The following ANK3 variants were observed in gnomAD, a reference collection of about 807,000 sequenced individuals.
The protein encoded by ANK3 is ankyrin-3.
A neutral mutation model predicts 370.9 loss-of-function variants in ANK3; 57 were observed. The ratio of observed to expected loss-of-function variants is 0.15; its 90% CI spans 0.12 to 0.19. The LOEUF (loss-of-function observed/expected upper bound fraction) is 0.19, where lower values mean the gene tolerates loss of function less well. ANK3 is among the 10% of genes least tolerant of loss of function. ANK3 has a pLI of 1.00. For missense variants in ANK3, 4,439 were observed against 5,302.1 expected, an observed-to-expected ratio of 0.84 and a Z score of 5.06; for synonymous variants, 1,929 against 1,946.3, an observed-to-expected ratio of 0.99 and a Z score of 0.23.
chr10:60,629,054 G>A (rs192204177), intron 1 of ANK3, among the ~76,000 whole-genome samples: 2 of 151,954 alleles, frequency 1.3e-5, no homozygotes, highest in Non-Finnish European at 2.9e-5. Context: ...ATTGAGCAAC[G>A]AGTCACCAGG....
chr10:60,028,964 T>C lies in ANK3; in HGVS notation c.*882A>G, dbSNP rs1335146382. 1 of 152,620 alleles carries C rather than the reference T, an allele frequency of 6.6e-6. No homozygotes were observed. The highest frequency in any genetic ancestry group is 1.5e-5 in the Non-Finnish European group (1 of 68,028). 9.5% of individuals were successfully genotyped at this position (152,620 alleles called of 1,614,324 possible). ...AGATAAAATCTTTTGTGTTGCAGTA[T>C]ACTGTAGTGTTTGCAAAATTGGAAA... On this transcript the variant is annotated 3_prime_UTR_variant, in exon 44 of 44. Coordinates refer to ENST00000280772, the MANE Select transcript of ANK3 (RefSeq NM_020987.5).
intron 2 of ANK3, among the ~76,000 whole-genome samples, chr10:60,512,821 C>G (rs1304483077): frequency 6.6e-6 from 1 of 152,094 alleles, no homozygotes; most frequent in Non-Finnish European, 1.5e-5. Flanking sequence ...GAATTAAGAG[C>G]TGCAGGAACG....
At chr10:60,117,702 C>T (rs10994208) in intron 25 of ANK3, among the ~76,000 whole-genome samples, 5,317 of 152,012 alleles carry the variant, frequency 0.035, 279 homozygotes, top group African/African-American at 0.12. Context: ...CCTGTAATCC[C>T]AGTTGGGAGG....
intron 2 of ANK3, among the ~76,000 whole-genome samples, chr10:60,420,397 CTGAAGAGAGAAGGAGCTTTA>C (rs1403817535): frequency 2.0e-5 from 3 of 151,984 alleles, no homozygotes; most frequent in East Asian, 3.9e-4. Context: ...TACAGTCTAG[CTGAAGAGAGAAGGAGCTTTA>C]TGAATAAGCA....
rs866126080 is a variant in ANK3 at position 60,712,448 on chromosome 10, T to C, written c.57+20815A>G. On this transcript the variant is annotated intron_variant, in intron 1 of 43. Transcript: ENST00000373827. ...TTTGAAAGTAAACTTGGATTGGTTG[T>C]TAATGCAAGCCCTAGGGAAACCACC... 9.8e-5 allele frequency among the ~76,000 whole-genome samples: 15 copies of C among 152,334 alleles called. 1 individual carries two copies. The Middle Eastern group carries it at 0.014, about 138-fold the overall frequency.
At chr10:60,063,401 C>T in intron 39 of ANK3, 147 bp from the exon 40 acceptor site, 4 of 709,122 alleles carry the variant, frequency 5.6e-6, no homozygotes, top group Middle Eastern at 3.4e-4. Context: ...ATCCAGAGGA[C>T]TCAGAATGCT....
At chr10:60,476,202 G>C (rs2133091841) in intron 2 of ANK3, among the ~76,000 whole-genome samples, 1 of 152,192 alleles carries the variant, frequency 6.6e-6, no homozygotes, top group Admixed American at 6.6e-5. Context: ...GAGGAAAAGA[G>C]AACAATGAAG....
chr10:60,492,624 G>A lies in ANK3; in HGVS notation c.96+122562C>T, dbSNP rs1253657857. Among the ~76,000 whole-genome samples, 10 of 148,384 alleles carry A rather than the reference G, an allele frequency of 6.7e-5. No individual in the cohort carries two copies. In the South Asian group the frequency reaches 1.1e-3, roughly 16 times the overall value. Reference sequence around the variant, plus strand: ...TGGGAGGCTGAGGCAGGAGAATGGCGTGAACCCAGGAGGCAGAGGTTGCAG... The same window carrying A: ...TGGGAGGCTGAGGCAGGAGAATGGCATGAACCCAGGAGGCAGAGGTTGCAG... On this transcript the variant is annotated intron_variant, in intron 2 of 43. Transcript: ENST00000373827.
Position 60,418,334 on chromosome 10 carries a change from G to A in ANK3, c.97-138695C>T, listed in dbSNP as rs117469912. Among the ~76,000 whole-genome samples the A allele has an allele frequency of 1.0e-3, 152 of 152,196 alleles. 1 individual carries two copies. Among genetic ancestry groups the A allele is most frequent in the Non-Finnish European group, 1.3e-3 (86 of 68,022 alleles). The stretch of plus-strand genomic sequence containing the variant: ...GCCTGGAACCCCATTCCTATGTCTC[G>A]TTAGGTGGTTAACATTCCCTCATCT... On this transcript the variant is annotated intron_variant, in intron 2 of 43. Transcript: ENST00000373827.
chr10:60,304,643 GA>G (rs1379312719), intron 1 of ANK3, among the ~76,000 whole-genome samples: 1 of 151,318 alleles, frequency 6.6e-6, no homozygotes, highest in Non-Finnish European at 1.5e-5. Flanking sequence ...GCTCTGTCTC[GA>G]AAAAAAGAAA....
intron 1 of ANK3, among the ~76,000 whole-genome samples, chr10:60,683,074 C>A (rs60991037): frequency 0.012 from 1,789 of 152,148 alleles, 35 homozygotes; most frequent in African/African-American, 0.04. Flanking sequence ...TTGAAGGACA[C>A]CAGCTGGTGT....
chr10:60,182,912 T>C (rs1242584635), intron 17 of ANK3, among the ~76,000 whole-genome samples: 1 of 152,192 alleles, frequency 6.6e-6, no homozygotes, highest in Non-Finnish European at 1.5e-5. Flanking sequence ...CACAGAACCA[T>C]GTTCCGTGTT....
chr10:60,696,615 T>C lies in ANK3; in HGVS notation c.57+36648A>G, dbSNP rs1042795388. Among the ~76,000 whole-genome samples, 1,090 of 148,590 alleles carry C rather than the reference T, an allele frequency of 7.3e-3. 17 individuals are homozygous for C. Among genetic ancestry groups the C allele is most frequent in the African/African-American group, 0.026 (1,033 of 39,768 alleles). On this transcript the variant is annotated intron_variant, in intron 1 of 43. Transcript: ENST00000373827. Reference sequence around the variant, plus strand: ...GGTTCAATATACGCAAATCAATAAATGTAATCCAGCATATAAACAGAACCA... The same window carrying C: ...GGTTCAATATACGCAAATCAATAAACGTAATCCAGCATATAAACAGAACCA...
At chr10:60,162,935 C>T (rs996967531) in intron 23 of ANK3, among the ~76,000 whole-genome samples, 6 of 152,114 alleles carry the variant, frequency 3.9e-5, no homozygotes, top group Non-Finnish European at 7.4e-5. Context: ...GCTAAAATAA[C>T]ATTTTATACC....
At chr10:60,716,630 C>T (rs1037271482) in intron 1 of ANK3, among the ~76,000 whole-genome samples, 1 of 152,192 alleles carries the variant, frequency 6.6e-6, no homozygotes, top group Admixed American at 6.5e-5. Context: ...CCTCCCACGT[C>T]AGCCTCCCAA....
chr10:60,035,804 AC>A (rs2074835380), intron 43 of ANK3, among the ~76,000 whole-genome samples: 1 of 151,538 alleles, frequency 6.6e-6, no homozygotes, highest in Non-Finnish European at 1.5e-5. Flanking sequence ...AGCCTGACCA[AC>A]ATGGAGAAAC....
intron 1 of ANK3, among the ~76,000 whole-genome samples, chr10:60,343,838 C>T (rs544480413): frequency 9.9e-5 from 15 of 152,266 alleles, no homozygotes; most frequent in African/African-American, 3.6e-4. Flanking sequence ...CTGGACCCAC[C>T]CGAGCATTCC....
chr10:60,089,707 C>T (rs915609236), intron 28 of ANK3, among the ~76,000 whole-genome samples: 2 of 151,858 alleles, frequency 1.3e-5, no homozygotes, highest in Admixed American at 6.6e-5. Context: ...GTTAAACACA[C>T]ACATATAGAA....
chr10:60,479,157 T>G (rs932942784), intron 2 of ANK3, among the ~76,000 whole-genome samples: 1 of 152,172 alleles, frequency 6.6e-6, no homozygotes, highest in Admixed American at 6.5e-5. Flanking sequence ...TCATAGCAAC[T>G]GAATGATTTT....
Sources: allele counts gnomAD v4.1 joint callset (sites outside exome capture counted in the v4.1 genomes callset), GRCh38; gene constraint gnomAD v4.1.1; transcripts MANE v1.5; gene names NCBI Gene and HGNC (gene_info 2026-07-23, HGNC 2026-07-21).